Variants in DLGAP2 observed in about 807,000 individuals in gnomAD.
The protein encoded by DLGAP2 is disks large-associated protein 2.
Under a neutral mutation model 100.3 loss-of-function variants are expected in DLGAP2, and 26 were observed. The observed-to-expected ratio is 0.26, with a 90% CI of 0.19 to 0.36. The LOEUF (loss-of-function observed/expected upper bound fraction) is 0.36. DLGAP2 is among the 10% of genes least tolerant of loss of function. The pLI, the probability that DLGAP2 is intolerant of heterozygous loss-of-function variation, is 1.00. For missense variants in DLGAP2, 1,858 were observed against 1,453.2 expected, an observed-to-expected ratio of 1.28 and a Z score of -4.53; for synonymous variants, 886 against 630.1, an observed-to-expected ratio of 1.41 and a Z score of -6.08.
chr8:995,382 T>G (rs895721294), intron 2 of DLGAP2, among the ~76,000 whole-genome samples: 13 of 152,248 alleles, frequency 8.5e-5, no homozygotes, highest in Admixed American at 7.2e-4. Flanking sequence ...AGTAACTTTG[T>G]AATTAAACAT....
At chr8:1,317,060 C>G (rs1426872663) in intron 3 of DLGAP2, among the ~76,000 whole-genome samples, 1 of 127,398 alleles carries the variant, frequency 7.8e-6, no homozygotes, top group Non-Finnish European at 1.6e-5. Flanking sequence ...AGCGTCTCTC[C>G]AACAGTGGTC....
intron 2 of DLGAP2, among the ~76,000 whole-genome samples, chr8:1,255,360 G>A (rs56115284): frequency 9.4e-6 from 1 of 106,816 alleles, no homozygotes; most frequent in Non-Finnish European, 1.8e-5. Flanking sequence ...GGTGCTGTGT[G>A]TGTGCCCTCT....
At chr8:877,785 A>C (rs1313032981) in intron 1 of DLGAP2, among the ~76,000 whole-genome samples, 2 of 152,138 alleles carry the variant, frequency 1.3e-5, no homozygotes, top group African/African-American at 4.8e-5. Context: ...ATTCTGTGCA[A>C]ATGAGGTTTG....
intron 3 of DLGAP2, among the ~76,000 whole-genome samples, chr8:1,352,325 T>C (rs1585290379): frequency 6.6e-6 from 1 of 150,958 alleles, no homozygotes; most frequent in Non-Finnish European, 1.5e-5. Context: ...GGGTCCTGAG[T>C]GTGTGTGGAA....
chr8:1,077,343 C>A (rs115547588), intron 2 of DLGAP2, among the ~76,000 whole-genome samples: 11 of 152,136 alleles, frequency 7.2e-5, no homozygotes, highest in Admixed American at 2.0e-4. Context: ...CACAGTTCTA[C>A]CCACACCTGT....
In DLGAP2 at chr8:1,598,215, G is replaced by A. The variant is rs186711348; in HGVS notation, c.1443-28525G>A. On this transcript the variant is annotated intron_variant, in intron 6 of 14. Coordinates refer to ENST00000637795, the MANE Select transcript of DLGAP2 (RefSeq NM_001346810.2). ...AGCCTTGCATCCCAGGGATGAAGCC[G>A]ACTTGATCGTGGTGGATAAACTTTT... Among the ~76,000 whole-genome samples the A allele has an allele frequency of 5.3e-5, 8 of 152,266 alleles. 1 individual carries two copies. The highest frequency in any genetic ancestry group is 1.0e-4 in the Non-Finnish European group (7 of 68,002).
At chr8:1,470,430 G>A (rs1798747401) in intron 3 of DLGAP2, among the ~76,000 whole-genome samples, 1 of 152,080 alleles carries the variant, frequency 6.6e-6, no homozygotes, top group South Asian at 2.1e-4. Flanking sequence ...CATGGCAGCT[G>A]ATAGATATGT....
chr8:1,500,024 G>C (rs953078392), intron 3 of DLGAP2, among the ~76,000 whole-genome samples: 1 of 152,154 alleles, frequency 6.6e-6, no homozygotes. Flanking sequence ...CTCAAAGCCT[G>C]TCCATGAATA....
At chr8:1,242,933 GGATT>G (rs1419649588) in intron 2 of DLGAP2, among the ~76,000 whole-genome samples, 4 of 67,788 alleles carry the variant, frequency 5.9e-5, no homozygotes, top group African/African-American at 2.1e-4. Flanking sequence ...GACAGTGGAT[GGATT>G]GATAGATGGA....
intron 2 of DLGAP2, among the ~76,000 whole-genome samples, chr8:1,045,341 C>A (rs769743349): frequency 1.3e-5 from 2 of 152,124 alleles, no homozygotes; most frequent in African/African-American, 4.8e-5. Context: ...TACTCAACAC[C>A]CCTTACTTTT....
intron 3 of DLGAP2, among the ~76,000 whole-genome samples, chr8:1,473,653 C>T (rs1471821752): frequency 6.6e-6 from 1 of 152,028 alleles, no homozygotes; most frequent in African/African-American, 2.4e-5. Context: ...TTGGCTGTGT[C>T]CCCACCCAAA....
intron 3 of DLGAP2, among the ~76,000 whole-genome samples, chr8:1,344,213 G>GTCTTTGTACTC (rs1801502384): frequency 1.3e-5 from 2 of 152,152 alleles, no homozygotes; most frequent in South Asian, 2.1e-4. Flanking sequence ...CCTGTCGTGG[G>GTCTTTGTACTC]GCCTGTGCCG....
rs1796266086 is a variant in DLGAP2 at position 1,590,756 on chromosome 8, CT to C, written c.1442+24863del. ...AAATGGGAATCCCACCTCTGTGCTC[CT>C]GGGTCCTGAGGGACATTCCTTCCTC... On this transcript the variant is annotated intron_variant, in intron 6 of 14. Coordinates refer to ENST00000637795, the MANE Select transcript of DLGAP2 (RefSeq NM_001346810.2). Among the ~76,000 whole-genome samples the C allele has an allele frequency of 2.0e-5, 3 of 152,310 alleles. No homozygotes were observed. The South Asian group carries it at 6.2e-4, about 32-fold the overall frequency.
chr8:873,458 T>A (rs370180231), intron 1 of DLGAP2, among the ~76,000 whole-genome samples: 1 of 152,234 alleles, frequency 6.6e-6, no homozygotes, highest in East Asian at 1.9e-4. Context: ...ACGTTAGTTA[T>A]GTGGTTTTCA....
intron 2 of DLGAP2, among the ~76,000 whole-genome samples, chr8:1,102,732 A>C (rs1360460690): frequency 1.3e-5 from 2 of 152,164 alleles, no homozygotes; most frequent in Non-Finnish European, 2.9e-5. Flanking sequence ...GTCTGCACTC[A>C]GGAGCCTGGT....
At chr8:1,194,357 C>G (rs935826) in intron 2 of DLGAP2, among the ~76,000 whole-genome samples, 46,093 of 151,770 alleles carry the variant, frequency 0.3, 8,452 homozygotes, top group Non-Finnish European at 0.41. Context: ...GGCAGACAGT[C>G]AGTGGTCGGT....
intron 8 of DLGAP2, among the ~76,000 whole-genome samples, chr8:1,666,886 G>C (rs574705885): frequency 4.1e-4 from 63 of 152,294 alleles, no homozygotes; most frequent in African/African-American, 1.5e-3. Flanking sequence ...TGCAGACACA[G>C]AAAGGATGTG....
chr8:1,261,235 C>T (rs563960063), intron 3 of DLGAP2, among the ~76,000 whole-genome samples: 50 of 148,710 alleles, frequency 3.4e-4, no homozygotes, highest in African/African-American at 8.3e-4. Context: ...AAGGGCAGGT[C>T]GGCTTCCAGA....
chr8:1,338,787 C>T (rs1247252190), intron 3 of DLGAP2, among the ~76,000 whole-genome samples: 1 of 138,732 alleles, frequency 7.2e-6, no homozygotes, highest in Non-Finnish European at 1.6e-5. Flanking sequence ...CGGGAAGTAC[C>T]ATGGTGTCAG....
Sources: allele counts gnomAD v4.1 joint callset (sites outside exome capture counted in the v4.1 genomes callset), GRCh38; gene constraint gnomAD v4.1.1; transcripts MANE v1.5; gene names NCBI Gene and HGNC (gene_info 2026-07-23, HGNC 2026-07-21).